AKAP13: variants seen among roughly 807,000 people sequenced by gnomAD.
The protein encoded by AKAP13 is A-kinase anchoring protein 13.
Under a neutral mutation model 264.5 loss-of-function variants are expected in AKAP13, and 80 were observed. The observed-to-expected ratio is 0.30, with a 90% CI of 0.25 to 0.36. The LOEUF (loss-of-function observed/expected upper bound fraction) is 0.36. Among genes scored for constraint, AKAP13 ranks in the 10% least tolerant of loss-of-function variants. The probability of loss-of-function intolerance (pLI) is 1.00; values close to 1 mark genes in which losing one functional copy is unlikely to be tolerated. For synonymous variants in AKAP13, 1,380 were observed against 1,250.2 expected, an observed-to-expected ratio of 1.10 and a Z score of -2.19; for missense variants, 3,712 against 3,435.2, an observed-to-expected ratio of 1.08 and a Z score of -2.01.
At chr15:85,730,323 T>C (rs2087911761) in intron 29 of AKAP13, among the ~76,000 whole-genome samples, 190 bp from the exon 30 acceptor site, 1 of 152,102 alleles carries the variant, frequency 6.6e-6, no homozygotes, top group South Asian at 2.1e-4. Context: ...TCCAGAATGG[T>C]TTTCCAGATA....
intron 8 of AKAP13, among the ~76,000 whole-genome samples, chr15:85,625,482 C>T (rs1049496133): frequency 1.3e-5 from 2 of 152,070 alleles, no homozygotes; most frequent in African/African-American, 4.8e-5. Flanking sequence ...CTTTGAATCA[C>T]GTTTGGAAAA....
At chr15:85,662,534 C>T in intron 12 of AKAP13, 3 of 1,534,304 alleles carry the variant, frequency 2.0e-6, no homozygotes, top group Admixed American at 3.3e-5. Flanking sequence ...GAGCTGGCTT[C>T]TGTGTGGCTG....
At chr15:85,419,935 GT>G (rs11452064) in intron 1 of AKAP13, among the ~76,000 whole-genome samples, 1,779 of 77,916 alleles carry the variant, frequency 0.023, 3 homozygotes, top group Non-Finnish European at 0.031. Context: ...TCTGACTCTT[GT>G]TTTTTTTTTT....
intron 23 of AKAP13, among the ~76,000 whole-genome samples, chr15:85,719,666 T>TGGCTCATGC (rs2087160029): frequency 1.3e-5 from 2 of 152,138 alleles, no homozygotes; most frequent in African/African-American, 2.4e-5. Context: ...CCAGGCACAG[T>TGGCTCATGC]GGCTCATGCC....
At chr15:85,687,513 C>A (rs1242790387) in intron 16 of AKAP13, among the ~76,000 whole-genome samples, 1 of 152,102 alleles carries the variant, frequency 6.6e-6, no homozygotes, top group African/African-American at 2.4e-5. Flanking sequence ...AGATTGGTTC[C>A]TCTTTCAGAC....
chr15:85,419,935 G>GTTTTTTTTT lies in AKAP13; in HGVS notation c.-12+39153_-12+39161dup, dbSNP rs11452064. Among the ~76,000 whole-genome samples the GTTTTTTTTT allele has an allele frequency of 3.8e-5, 3 of 77,970 alleles. 1 individual carries two copies. Among genetic ancestry groups the GTTTTTTTTT allele is most frequent in the Non-Finnish European group, 2.3e-5 (1 of 43,174 alleles). The allele number at this position is 77,970 out of a possible 152,430, so 51.2% of individuals were successfully genotyped here. A position where few individuals can be genotyped will look rare whatever the true frequency, so the allele number is the denominator to read the frequency against. On this transcript the variant is annotated intron_variant, in intron 1 of 36. Coordinates refer to ENST00000394518, the MANE Select transcript of AKAP13 (RefSeq NM_007200.5). ...GCTTAAGTGTCTGAATCTGACTCTT[G>GTTTTTTTTT]TTTTTTTTTTTTTTTTTTTTTTTTG...
At chr15:85,417,137 T>C (rs2072278073) in intron 1 of AKAP13, among the ~76,000 whole-genome samples, 1 of 152,224 alleles carries the variant, frequency 6.6e-6, no homozygotes, top group African/African-American at 2.4e-5. Context: ...CTTTTTTCTT[T>C]GCCTTTTATT....
Position 85,437,799 on chromosome 15 carries a change from T to C in AKAP13, c.-11-47911T>C, listed in dbSNP as rs2073386277. Among the ~76,000 whole-genome samples, 6 of 152,018 alleles carry C rather than the reference T, an allele frequency of 3.9e-5. No homozygotes were observed. In the South Asian group the frequency reaches 1.2e-3, roughly 32 times the overall value. On this transcript the variant is annotated intron_variant, in intron 1 of 36. Transcript: ENST00000394518. ...TGCTAAAAACTCTCAATAAATTAGG[T>C]ATTGATGGGATGTATTTCAAAATAA...
At chr15:85,631,500 T>TCACACA (rs1189326372) in intron 8 of AKAP13, among the ~76,000 whole-genome samples, 498 of 80,078 alleles carry the variant, frequency 6.2e-3, no homozygotes, top group African/African-American at 0.018. Flanking sequence ...TCTCTCTCTC[T>TCACACA]CTCACACACA....
At chr15:85,712,635 C>T (rs1259463779) in intron 19 of AKAP13, among the ~76,000 whole-genome samples, 1 of 152,030 alleles carries the variant, frequency 6.6e-6, no homozygotes, top group East Asian at 1.9e-4. Flanking sequence ...CATCCGCCTT[C>T]TGGGTTCAAG....
chr15:85,562,519 C>T (rs1222781110), intron 5 of AKAP13, among the ~76,000 whole-genome samples: 3 of 136,970 alleles, frequency 2.2e-5, no homozygotes, highest in African/African-American at 5.5e-5. Context: ...GAGCTGAGAT[C>T]GTGCCACTGC....
Position 85,553,294 on chromosome 15 carries a change from A to G in AKAP13, c.662+9339A>G, listed in dbSNP as rs138422711. 6.4e-3 allele frequency among the ~76,000 whole-genome samples: 966 copies of G among 151,816 alleles called. 11 individuals are homozygous for G. Among genetic ancestry groups the G allele is most frequent in the African/African-American group, 0.022 (905 of 41,434 alleles). ...GTAGAAACAGGGTTTCACCATATTA[A>G]CCAGGCTGGTCTTGAACTCCTGACC... On this transcript the variant is annotated intron_variant, in intron 5 of 36. Transcript: ENST00000394518.
intron 1 of AKAP13, among the ~76,000 whole-genome samples, chr15:85,454,615 T>C (rs2074220031): frequency 1.3e-5 from 2 of 152,146 alleles, no homozygotes; most frequent in Non-Finnish European, 2.9e-5. Flanking sequence ...TCTAGTCGGC[T>C]CTGTTGGCCA....
chr15:85,478,327 T>C (rs1270337304), intron 1 of AKAP13, among the ~76,000 whole-genome samples: 1 of 145,894 alleles, frequency 6.9e-6, no homozygotes, highest in East Asian at 1.9e-4. Context: ...GAAAAGATTA[T>C]AGTGTACTCT....
intron 26 of AKAP13, 56 bp downstream of exon 26, chr15:85,723,376 C>A: frequency 6.3e-7 from 1 of 1,582,992 alleles, no homozygotes; most frequent in South Asian, 1.2e-5. Flanking sequence ...GGCAAAAATC[C>A]AAGTGCTTTT....
At chr15:85,643,577 C>T (rs1225032924) in intron 9 of AKAP13, among the ~76,000 whole-genome samples, 1 of 152,132 alleles carries the variant, frequency 6.6e-6, no homozygotes, top group Non-Finnish European at 1.5e-5. Context: ...GTAGTCCAAC[C>T]CTCACTTCCC....
chr15:85,674,982 A>G (rs533116147), intron 14 of AKAP13, among the ~76,000 whole-genome samples: 55 of 152,316 alleles, frequency 3.6e-4, no homozygotes, highest in African/African-American at 1.2e-3. Flanking sequence ...AAGACTGGAA[A>G]ACATGCATGT....
At position 85,732,915 on chromosome 15, in the gene AKAP13, A is replaced by G. The variant is rs1334312531; in HGVS notation, c.7283-2077A>G. On this transcript the variant is annotated intron_variant, in intron 30 of 36. Transcript: ENST00000394518. ...TTCTAATAGTAATGCTGCTACCACTACATATGACTTTTACTTGCTGTCCGC... is the reference window on the plus strand; with the variant it reads ...TTCTAATAGTAATGCTGCTACCACTGCATATGACTTTTACTTGCTGTCCGC... Among the ~76,000 whole-genome samples the G allele has an allele frequency of 2.0e-5, 3 of 152,206 alleles. No homozygotes were observed. In the East Asian group the frequency reaches 5.8e-4, roughly 29 times the overall value.
chr15:85,399,461 A>G (rs1293955851), intron 1 of AKAP13, among the ~76,000 whole-genome samples: 1 of 138,552 alleles, frequency 7.2e-6, no homozygotes, highest in Non-Finnish European at 1.5e-5. Flanking sequence ...GCGCCACTGC[A>G]GTCCGCAGTC....
Sources: allele counts gnomAD v4.1 joint callset (sites outside exome capture counted in the v4.1 genomes callset), GRCh38; gene constraint gnomAD v4.1.1; transcripts MANE v1.5; gene names NCBI Gene and HGNC (gene_info 2026-07-23, HGNC 2026-07-21).